BAALC: variants seen among roughly 807,000 people sequenced by gnomAD.
BAALC encodes BAALC binder of MAP3K1 and KLF4.
In BAALC, 9 loss-of-function variants were observed where a neutral mutation model predicts 15.5. The ratio of observed to expected loss-of-function variants is 0.58; its 90% CI spans 0.35 to 1.02. The LOEUF is 1.02. Among genes scored for constraint, BAALC ranks in the 50% least tolerant of loss-of-function variants. BAALC has a pLI of 0.02. For missense variants in BAALC, 201 were observed against 192.4 expected (o/e 1.04, Z -0.27); for synonymous variants, 80 against 74.6 (o/e 1.07, Z -0.37).
chr8:103,141,896 T>A (rs911838352), intron 1 of BAALC, among the ~76,000 whole-genome samples: 2 of 152,242 alleles, frequency 1.3e-5, no homozygotes, highest in Admixed American at 1.3e-4. Context: ...ATTTTTTTAT[T>A]TTTTAGCAGA....
intron 1 of BAALC, chr8:103,156,845 C>T (rs1375624350): frequency 1.3e-5 from 2 of 152,192 alleles, no homozygotes; most frequent in African/African-American, 4.8e-5. Context: ...AGGCAGGGGG[C>T]TTCCAGCCAT....
intron 1 of BAALC, among the ~76,000 whole-genome samples, chr8:103,164,187 C>A (rs558618185): frequency 6.6e-6 from 1 of 152,074 alleles, no homozygotes; most frequent in Non-Finnish European, 1.5e-5. Context: ...CAGGAGGGGC[C>A]CCCAGTAGTG....
At chr8:103,162,803 C>A (rs764333409) in intron 1 of BAALC, among the ~76,000 whole-genome samples, 2 of 152,030 alleles carry the variant, frequency 1.3e-5, no homozygotes, top group Non-Finnish European at 2.9e-5. Context: ...CAAGTTAGCC[C>A]GTCACAGTTT....
At chr8:103,150,860 C>G (rs562481547) in intron 1 of BAALC, among the ~76,000 whole-genome samples, 8 of 152,202 alleles carry the variant, frequency 5.3e-5, no homozygotes, top group Non-Finnish European at 8.8e-5. Context: ...GATCCGGTCT[C>G]TGTTTACAAT....
At chr8:103,213,195 T>C in intron 2 of BAALC, 110 bp downstream of exon 2, 2 of 1,231,678 alleles carry the variant, frequency 1.6e-6, no homozygotes, top group Non-Finnish European at 2.2e-6. Flanking sequence ...GGATGGCTCA[T>C]CTTGGAAAAA....
chr8:103,229,535 T>C lies in BAALC; in HGVS notation c.*1436T>C, dbSNP rs1467451693. 6.6e-6 allele frequency: 1 copy of C among 152,226 alleles called. No homozygotes were observed. Among genetic ancestry groups the C allele is most frequent in the Non-Finnish European group, 1.5e-5 (1 of 68,042 alleles). 9.4% of individuals were successfully genotyped at this position (152,226 alleles called of 1,614,324 possible). A position where few individuals can be genotyped will look rare whatever the true frequency, so the allele number is the denominator to read the frequency against. ...ATATTTATTCACAAAACATTAAATGTCCATCCTGTGCCAGGTACTATGCAG... is the reference window on the plus strand; with the variant it reads ...ATATTTATTCACAAAACATTAAATGCCCATCCTGTGCCAGGTACTATGCAG... On this transcript the variant is annotated 3_prime_UTR_variant, in exon 3 of 3. Coordinates refer to ENST00000309982, the MANE Select transcript of BAALC (RefSeq NM_024812.3).
Position 103,141,052 on chromosome 8 carries a change from A to T in BAALC, c.155A>T (p.His52Leu). The T allele has an allele frequency of 6.7e-7, 1 of 1,494,940 alleles. No homozygotes were observed. 92.6% of individuals were successfully genotyped at this position (1,494,940 alleles called of 1,614,324 possible). A position where few individuals can be genotyped will look rare whatever the true frequency, so the allele number is the denominator to read the frequency against. ...AGCGGCCCCGAAGCGGGCGGCCTGC[A>T]CTCGGGTAAGTGGCCGGGCCCCTGC... ...PDSGPEAGGL[H>L]SGMLEDGLPS... The change falls in exon 1 of 3, where the codon CAC becomes CTC. Residue 52 changes from histidine to leucine, a missense_variant. Transcript: ENST00000309982.
intron 1 of BAALC, among the ~76,000 whole-genome samples, chr8:103,194,134 C>T (rs565334176): frequency 5.9e-5 from 9 of 152,132 alleles, no homozygotes; most frequent in Non-Finnish European, 1.2e-4. Flanking sequence ...AGAGATTTTC[C>T]CCAAATCTTC....
At chr8:103,192,145 G>A (rs756874036) in intron 1 of BAALC, among the ~76,000 whole-genome samples, 6 of 152,122 alleles carry the variant, frequency 3.9e-5, no homozygotes, top group East Asian at 1.9e-4. Flanking sequence ...TCTGCCTCCC[G>A]GGTTCAAGCG....
chr8:103,146,716 C>G (rs1810888143), intron 1 of BAALC, among the ~76,000 whole-genome samples: 1 of 152,226 alleles, frequency 6.6e-6, no homozygotes, highest in Admixed American at 6.5e-5. Flanking sequence ...ATGGGCTGCA[C>G]AGTAAGAAAA....
chr8:103,150,761 T>G (rs1810969127), intron 1 of BAALC, among the ~76,000 whole-genome samples: 1 of 152,236 alleles, frequency 6.6e-6, no homozygotes, highest in Non-Finnish European at 1.5e-5. Context: ...CCCTTTGGCC[T>G]GGATATCCAA....
intron 1 of BAALC, among the ~76,000 whole-genome samples, chr8:103,154,939 TA>T (rs1491025631): frequency 8.9e-6 from 1 of 112,922 alleles, no homozygotes; most frequent in South Asian, 3.3e-4. Context: ...TATATATATA[TA>T]ATATATATGG....
intron 1 of BAALC, among the ~76,000 whole-genome samples, chr8:103,145,473 C>T (rs1049762238): frequency 6.6e-6 from 1 of 152,226 alleles, no homozygotes; most frequent in African/African-American, 2.4e-5. Flanking sequence ...CAAAGTCCCT[C>T]TTGATACAAG....
intron 2 of BAALC, among the ~76,000 whole-genome samples, chr8:103,223,632 T>TAC (rs1491270972): frequency 1.1e-5 from 1 of 90,960 alleles, no homozygotes; most frequent in Non-Finnish European, 2.8e-5. Flanking sequence ...GGATTACAAT[T>TAC]ATATATATAT....
intron 1 of BAALC, chr8:103,198,130 C>T: frequency 1.4e-6 from 1 of 701,778 alleles, no homozygotes; most frequent in East Asian, 2.7e-5. Flanking sequence ...ATCTGACTGC[C>T]CTACAGAAAG....
chr8:103,228,146 AC>A lies in BAALC; in HGVS notation c.*48del, dbSNP rs771099601. 2.2e-4 allele frequency: 279 copies of A among 1,282,176 alleles called. No homozygotes were observed. The highest frequency in any genetic ancestry group is 3.0e-4 in the Non-Finnish European group (265 of 884,114). 79.4% of individuals were successfully genotyped at this position (1,282,176 alleles called of 1,614,324 possible). ...CAGATGGACTTCTTCAGTGTCCTTCACGGCACTGGATCCCATCAAAGAACCT... is the reference window on the plus strand; with the variant it reads ...CAGATGGACTTCTTCAGTGTCCTTCAGGCACTGGATCCCATCAAAGAACCT... On this transcript the variant is annotated 3_prime_UTR_variant, in exon 3 of 3. Transcript: ENST00000309982.
intron 1 of BAALC, among the ~76,000 whole-genome samples, chr8:103,196,258 A>G (rs1441402004): frequency 2.6e-5 from 4 of 151,866 alleles, no homozygotes; most frequent in Non-Finnish European, 5.9e-5. Flanking sequence ...CCATGATCAC[A>G]TTTGTAGTTT....
intron 1 of BAALC, among the ~76,000 whole-genome samples, chr8:103,189,912 A>G (rs981339444): frequency 4.6e-5 from 7 of 152,180 alleles, no homozygotes; most frequent in African/African-American, 1.7e-4. Context: ...GACAGTGGGG[A>G]AGAGACTGGA....
intron 1 of BAALC, chr8:103,183,242 T>C: frequency 1.5e-6 from 1 of 659,838 alleles, no homozygotes; most frequent in African/African-American, 1.8e-5. Flanking sequence ...ACCAGCAAGA[T>C]GGCCAAGAGT....
Sources: allele counts gnomAD v4.1 joint callset (sites outside exome capture counted in the v4.1 genomes callset), GRCh38; gene constraint gnomAD v4.1.1; transcripts MANE v1.5; gene names NCBI Gene and HGNC (gene_info 2026-07-23, HGNC 2026-07-21).